The following FSTL5 variants were observed in gnomAD, a reference collection of about 807,000 sequenced individuals.
FSTL5 encodes follistatin-related protein 5.
FSTL5 carries 62 observed loss-of-function variants against 89.1 expected under a neutral mutation model. The observed-to-expected ratio is 0.70, with a 90% CI of 0.57 to 0.86. FSTL5 has a LOEUF of 0.86. FSTL5 is among the 40% of genes least tolerant of loss of function. The pLI is 0.00. For synonymous variants in FSTL5, 383 were observed against 346.2 expected, an observed-to-expected ratio of 1.11 and a Z score of -1.18; for missense variants, 1,057 against 1,001.6, an observed-to-expected ratio of 1.06 and a Z score of -0.75.
chr4:161,663,258 G>A (rs1206198098), intron 6 of FSTL5, among the ~76,000 whole-genome samples: 1 of 152,068 alleles, frequency 6.6e-6, no homozygotes, highest in African/African-American at 2.4e-5. Flanking sequence ...TCTTATTTCA[G>A]TATTAACCCA....
intron 10 of FSTL5, among the ~76,000 whole-genome samples, chr4:161,518,357 T>C (rs903801945): frequency 1.3e-5 from 2 of 152,108 alleles, no homozygotes; most frequent in African/African-American, 2.4e-5. Context: ...GAACAGGAGC[T>C]TTAAGGATGC....
rs560845572 is a variant in FSTL5, at chr4:161,541,331, T to C, written c.1177+1201A>G. Among the ~76,000 whole-genome samples, 9 of 152,248 alleles carry C rather than the reference T, an allele frequency of 5.9e-5. No homozygotes were observed. In the South Asian group the frequency reaches 1.9e-3, roughly 32 times the overall value. ...TAACAACTTCAAAAATTTGTTGTCATGTATATTCCTGAAAGCAAAATTTTG... is the reference window on the plus strand; with the variant it reads ...TAACAACTTCAAAAATTTGTTGTCACGTATATTCCTGAAAGCAAAATTTTG... On this transcript the variant is annotated intron_variant, in intron 9 of 15. Transcript: ENST00000306100.
At chr4:161,779,793 A>ATT (rs1560840917) in intron 4 of FSTL5, among the ~76,000 whole-genome samples, 4 of 51,754 alleles carry the variant, frequency 7.7e-5, no homozygotes, top group South Asian at 6.6e-4. Context: ...ATATATATAT[A>ATT]TATATATATA....
At chr4:162,005,360 A>G (rs976652404) in intron 3 of FSTL5, among the ~76,000 whole-genome samples, 1 of 152,114 alleles carries the variant, frequency 6.6e-6, no homozygotes, top group Non-Finnish European at 1.5e-5. Flanking sequence ...CTTTCTTGCT[A>G]AACTATACTT....
At chr4:161,428,173 A>AG (rs112557638) in intron 15 of FSTL5, among the ~76,000 whole-genome samples, 13,800 of 152,216 alleles carry the variant, frequency 0.091, 677 homozygotes, top group Non-Finnish European at 0.12. Flanking sequence ...CTACCTATGG[A>AG]GGGAGCATTG....
In FSTL5 at chr4:162,062,274, G is replaced by A. The variant is rs575152603; in HGVS notation, c.127-28616C>T. Among the ~76,000 whole-genome samples the A allele has an allele frequency of 1.2e-4, 18 of 151,976 alleles. 1 individual carries two copies. In the South Asian group the frequency reaches 3.5e-3, roughly 30 times the overall value. The stretch of plus-strand genomic sequence containing the variant: ...TCGTAGGATAGATTTCTAAATAGCA[G>A]TTGAATAGTGTTATTTTGAATATGA... On this transcript the variant is annotated intron_variant, in intron 2 of 15. Transcript: ENST00000306100.
At chr4:162,137,962 C>A (rs994724311) in intron 1 of FSTL5, among the ~76,000 whole-genome samples, 2 of 151,952 alleles carry the variant, frequency 1.3e-5, no homozygotes, top group African/African-American at 2.4e-5. Flanking sequence ...AGTCTCCTGG[C>A]AAGCTGGGGG....
chr4:161,627,836 T>C (rs1214835164), intron 7 of FSTL5, among the ~76,000 whole-genome samples: 2 of 152,164 alleles, frequency 1.3e-5, no homozygotes, highest in African/African-American at 4.8e-5. Flanking sequence ...ATTTTACATC[T>C]GATATAAAAT....
At chr4:161,615,403 T>C (rs1301844510) in intron 7 of FSTL5, among the ~76,000 whole-genome samples, 1 of 145,210 alleles carries the variant, frequency 6.9e-6, no homozygotes, top group African/African-American at 2.6e-5. Context: ...GAGGCGGAGC[T>C]TGCAGCACTC....
chr4:161,990,879 G>A (rs1241877696), intron 3 of FSTL5, among the ~76,000 whole-genome samples: 1 of 152,092 alleles, frequency 6.6e-6, no homozygotes, highest in African/African-American at 2.4e-5. Flanking sequence ...ACCTAATCAT[G>A]ACTCTCTCTA....
chr4:161,893,677 CT>C (rs1239373590), intron 4 of FSTL5, among the ~76,000 whole-genome samples: 4 of 152,154 alleles, frequency 2.6e-5, no homozygotes, highest in Non-Finnish European at 5.9e-5. Flanking sequence ...ATTGCAGTCT[CT>C]GTTAACAGGG....
intron 15 of FSTL5, 28 bp from the exon 16 acceptor site, chr4:161,386,477 C>T (rs540729252): frequency 1.5e-5 from 22 of 1,513,806 alleles, no homozygotes; most frequent in Admixed American, 1.3e-4. Context: ...CAGAGTTAGA[C>T]AGGAAGCAAT....
At chr4:161,415,821 G>GAT (rs60018441) in intron 15 of FSTL5, among the ~76,000 whole-genome samples, 1,773 of 139,736 alleles carry the variant, frequency 0.013, 11 homozygotes, top group South Asian at 0.032. Flanking sequence ...ACATATAGGG[G>GAT]ATATATATAT....
intron 3 of FSTL5, among the ~76,000 whole-genome samples, chr4:161,926,071 C>G (rs1734112134): frequency 6.6e-6 from 1 of 151,774 alleles, no homozygotes; most frequent in African/African-American, 2.4e-5. Flanking sequence ...ACTGTAAATT[C>G]TAACAAAATG....
chr4:161,508,833 T>G (rs2126497346), intron 11 of FSTL5, among the ~76,000 whole-genome samples: 1 of 152,308 alleles, frequency 6.6e-6, no homozygotes, highest in African/African-American at 2.4e-5. Context: ...GCATCTGGCT[T>G]AGCTTCCAAA....
chr4:161,999,473 T>A lies in FSTL5; in HGVS notation c.160+34152A>T, dbSNP rs189597870. The stretch of plus-strand genomic sequence containing the variant: ...CATTTATATTGATAAGAAAAATTCA[T>A]ATTAATTGATCTTGAAATATCCTTT... On this transcript the variant is annotated intron_variant, in intron 3 of 15. Transcript: ENST00000306100. Among the ~76,000 whole-genome samples, 119 of 152,316 alleles carry A rather than the reference T, an allele frequency of 7.8e-4. No individual in the cohort carries two copies. In the Middle Eastern group the frequency reaches 0.01, roughly 13 times the overall value.
intron 4 of FSTL5, among the ~76,000 whole-genome samples, chr4:161,808,683 G>C (rs1472286665): frequency 3.3e-5 from 5 of 151,842 alleles, no homozygotes; most frequent in Non-Finnish European, 7.4e-5. Flanking sequence ...TTCACCAAAG[G>C]ACACAATCAA....
chr4:161,898,172 T>C (rs1470203009), intron 4 of FSTL5, among the ~76,000 whole-genome samples: 2 of 148,868 alleles, frequency 1.3e-5, no homozygotes, highest in East Asian at 3.9e-4. Flanking sequence ...TATTGATGTG[T>C]ATATATAAAT....
intron 15 of FSTL5, chr4:161,388,002 C>T (rs996003168): frequency 3.3e-5 from 5 of 152,000 alleles, no homozygotes; most frequent in African/African-American, 1.2e-4. Context: ...CATAACTCTC[C>T]CTGTCTCCAA....
Sources: gnomAD v4.1 joint callset for allele counts (sites outside exome capture counted in the v4.1 genomes callset) on GRCh38, gnomAD v4.1.1 for gene constraint, MANE v1.5 for transcripts, NCBI Gene and HGNC (gene_info 2026-07-23, HGNC 2026-07-21) for gene names.